Variants in STPG4 observed in about 807,000 individuals in gnomAD.
STPG4 encodes the protein protein STPG4.
In STPG4, 41 loss-of-function variants were observed where a neutral mutation model predicts 31.5. That is an observed-to-expected ratio of 1.30 (90% CI 1.01 to 1.69). The LOEUF (loss-of-function observed/expected upper bound fraction) is 1.69, where lower values mean the gene tolerates loss of function less well. STPG4 is among the 40% of genes most tolerant of loss of function. The pLI, the probability that STPG4 is intolerant of heterozygous loss-of-function variation, is 0.00. For synonymous variants in STPG4, 141 were observed against 103.0 expected, an observed-to-expected ratio of 1.37 and a Z score of -2.24; for missense variants, 375 against 293.4, an observed-to-expected ratio of 1.28 and a Z score of -2.03.
chr2:47,111,901 G>A (rs990500956), intron 5 of STPG4, among the ~76,000 whole-genome samples: 1 of 152,146 alleles, frequency 6.6e-6, no homozygotes, highest in African/African-American at 2.4e-5. Context: ...TTCCTTACCA[G>A]TTGTTTCTCC....
chr2:47,139,664 T>C (rs1686666042), intron 3 of STPG4, among the ~76,000 whole-genome samples: 1 of 152,108 alleles, frequency 6.6e-6, no homozygotes, highest in Non-Finnish European at 1.5e-5. Context: ...ACGAATCAGA[T>C]CCTCCACGCA....
chr2:47,142,836 C>CTTTTTTTTTTTTTTT (rs10686388), intron 3 of STPG4, among the ~76,000 whole-genome samples: 3 of 73,836 alleles, frequency 4.1e-5, no homozygotes, highest in Non-Finnish European at 7.1e-5. Context: ...TTTATCTCAT[C>CTTTTTTTTTTTTTTT]TTTTTTTTTT....
intron 5 of STPG4, among the ~76,000 whole-genome samples, chr2:47,125,212 G>A (rs1176149829): frequency 6.6e-6 from 1 of 152,118 alleles, no homozygotes; most frequent in Non-Finnish European, 1.5e-5. Context: ...CTTGAGCTCA[G>A]GAGTTCAAGA....
chr2:47,120,416 C>A (rs1226216074), intron 5 of STPG4, among the ~76,000 whole-genome samples: 1 of 151,844 alleles, frequency 6.6e-6, no homozygotes, highest in African/African-American at 2.4e-5. Context: ...TTTCCAGGTC[C>A]CACCTGAAAG....
chr2:47,092,960 T>G (rs1685601409), intron 5 of STPG4, among the ~76,000 whole-genome samples: 1 of 152,144 alleles, frequency 6.6e-6, no homozygotes, highest in Admixed American at 6.5e-5. Flanking sequence ...GCCTGGCTAA[T>G]GTTTGTATTT....
At chr2:47,110,399 GC>G (rs1239992730) in intron 5 of STPG4, among the ~76,000 whole-genome samples, 2 of 152,188 alleles carry the variant, frequency 1.3e-5, no homozygotes, top group Non-Finnish European at 2.9e-5. Flanking sequence ...TTTGAGACCA[GC>G]CTGGCCAGCA....
rs571893432 is a variant in STPG4 at position 47,093,056 on chromosome 2, G to T, written c.520-2682C>A. Among the ~76,000 whole-genome samples, 290 of 152,302 alleles carry T rather than the reference G, an allele frequency of 1.9e-3. 1 individual carries two copies. Among genetic ancestry groups the T allele is most frequent in the African/African-American group, 6.7e-3 (277 of 41,558 alleles). On this transcript the variant is annotated intron_variant, in intron 5 of 6. Transcript: ENST00000445927. ...TCTGCCCGCCTCAGCCTCTCAAAGT[G>T]CTGGGATTACAGGTGTGAGACACCG...
chr2:47,133,968 T>C (rs1305494761), intron 3 of STPG4, among the ~76,000 whole-genome samples: 1 of 152,086 alleles, frequency 6.6e-6, no homozygotes, highest in African/African-American at 2.4e-5. Context: ...ACCATCAATG[T>C]CAGAAAACTG....
chr2:47,103,977 C>T (rs1685851712), intron 5 of STPG4, among the ~76,000 whole-genome samples: 1 of 152,000 alleles, frequency 6.6e-6, no homozygotes, highest in African/African-American at 2.4e-5. Context: ...ATTTCTCCCA[C>T]CTCCTCAGTT....
chr2:47,119,825 C>G (rs1425793425), intron 5 of STPG4, among the ~76,000 whole-genome samples: 2 of 152,044 alleles, frequency 1.3e-5, no homozygotes, highest in African/African-American at 4.8e-5. Flanking sequence ...TCCTGACCTC[C>G]GCAGTGGCTT....
chr2:47,130,058 A>C, intron 4 of STPG4, 63 bp from the exon 5 acceptor site: 1 of 1,482,990 alleles, frequency 6.7e-7, no homozygotes, highest in Non-Finnish European at 9.3e-7. Flanking sequence ...ATCTTTGTTA[A>C]CTTATTCCCT....
At chr2:47,126,827 A>T (rs766818781) in intron 5 of STPG4, among the ~76,000 whole-genome samples, 12 of 152,116 alleles carry the variant, frequency 7.9e-5, no homozygotes, top group African/African-American at 2.7e-4. Flanking sequence ...CACTTTAAAT[A>T]TGTCATGCCA....
intron 3 of STPG4, among the ~76,000 whole-genome samples, chr2:47,144,916 G>C (rs760875587): frequency 3.9e-5 from 6 of 152,152 alleles, no homozygotes; most frequent in Non-Finnish European, 8.8e-5. Context: ...ATTTTCAGTA[G>C]AGATGGGGTT....
intron 5 of STPG4, among the ~76,000 whole-genome samples, chr2:47,098,346 C>T (rs1479943631): frequency 3.3e-5 from 5 of 152,130 alleles, no homozygotes; most frequent in Admixed American, 3.3e-4. Context: ...CTCATGCCAG[C>T]CTGGTGCAGG....
chr2:47,097,699 A>G (rs1245183177), intron 5 of STPG4, among the ~76,000 whole-genome samples: 1 of 152,152 alleles, frequency 6.6e-6, no homozygotes, highest in Non-Finnish European at 1.5e-5. Flanking sequence ...ACTGTGAACA[A>G]TACATTTCTA....
intron 1 of STPG4, 101 bp downstream of exon 1, chr2:47,155,070 G>A (rs147194997): frequency 6.3e-6 from 7 of 1,105,958 alleles, no homozygotes; most frequent in African/African-American, 6.1e-5. Flanking sequence ...AAGAGGGAAC[G>A]AGAGCGGCAC....
At chr2:47,118,440 T>C (rs10865219) in intron 5 of STPG4, among the ~76,000 whole-genome samples, 21,468 of 152,176 alleles carry the variant, frequency 0.14, 1,764 homozygotes, top group African/African-American at 0.2. Context: ...TGGTGAGTTG[T>C]ATAATTATTT....
At chr2:47,108,754 A>C (rs1270863273) in intron 5 of STPG4, 1 of 152,374 alleles carries the variant, frequency 6.6e-6, no homozygotes. Flanking sequence ...CTCACACCGC[A>C]CATAGAGATG....
intron 3 of STPG4, among the ~76,000 whole-genome samples, chr2:47,133,098 T>C (rs1376263206): frequency 6.6e-6 from 1 of 152,184 alleles, no homozygotes; most frequent in Non-Finnish European, 1.5e-5. Flanking sequence ...CTAAACTTGG[T>C]TCCATTTTCC....
Sources: gnomAD v4.1 joint callset for allele counts (sites outside exome capture counted in the v4.1 genomes callset) on GRCh38, gnomAD v4.1.1 for gene constraint, MANE v1.5 for transcripts, NCBI Gene and HGNC (gene_info 2026-07-23, HGNC 2026-07-21) for gene names.